VAV3: variants seen among roughly 807,000 people sequenced by gnomAD.
VAV3 encodes guanine nucleotide exchange factor VAV3.
In VAV3, 94 loss-of-function variants were observed where a neutral mutation model predicts 131.2. The observed-to-expected ratio is 0.72, with a 90% CI of 0.61 to 0.85. VAV3 has a LOEUF of 0.85. Ranked by LOEUF, VAV3 falls within the 40% of genes least tolerant of loss-of-function variation. VAV3 has a pLI of 0.00. For synonymous variants in VAV3, 349 were observed against 342.0 expected (o/e 1.02, Z -0.22); for missense variants, 939 against 1,002.7 (o/e 0.94, Z 0.86).
At position 107,772,823 on chromosome 1, in the gene VAV3, T is replaced by A. The variant is rs1214720873; in HGVS notation, c.467A>T (p.Glu156Val). ...ATAAACACAGTCATAGAGATCTTCT[T>A]CATCTTCCACAAGGGTTTCACTACA... ...DLIDETLVED[E>V]EDLYDCVYGE... The change falls in exon 5 of 27, where the codon GAA becomes GTA. Residue 156 changes from glutamate to valine, a missense_variant. Transcript: ENST00000370056. The A allele has an allele frequency of 1.9e-6, 3 of 1,613,646 alleles. No homozygotes were observed. In the Admixed American group the frequency reaches 5.0e-5, roughly 27 times the overall value.
intron 1 of VAV3, among the ~76,000 whole-genome samples, chr1:107,875,912 A>G (rs901003322): frequency 6.6e-6 from 1 of 152,164 alleles, no homozygotes; most frequent in Admixed American, 6.6e-5. Flanking sequence ...TGTGGAGTCC[A>G]GGGGATAGGT....
intron 19 of VAV3, among the ~76,000 whole-genome samples, chr1:107,680,642 G>T (rs141215896): frequency 1.3e-5 from 2 of 152,206 alleles, no homozygotes; most frequent in Non-Finnish European, 2.9e-5. Flanking sequence ...CAAGCTCCTG[G>T]CTTCAAGTGA....
intron 17 of VAV3, among the ~76,000 whole-genome samples, chr1:107,700,610 T>A (rs553649868): frequency 1.3e-5 from 2 of 152,240 alleles, no homozygotes; most frequent in African/African-American, 2.4e-5. Flanking sequence ...GCTCCGTCCA[T>A]GTCCCTGTAA....
intron 14 of VAV3, 26 bp downstream of exon 14, chr1:107,749,436 A>G: frequency 1.3e-6 from 2 of 1,577,100 alleles, no homozygotes; most frequent in Non-Finnish European, 1.7e-6. Context: ...TAAGTAAATT[A>G]CAGTTATTAG....
chr1:107,595,859 T>C (rs548450238), intron 25 of VAV3, among the ~76,000 whole-genome samples: 2 of 152,292 alleles, frequency 1.3e-5, no homozygotes, highest in South Asian at 2.1e-4. Flanking sequence ...CCTGCTTAAA[T>C]ACTATTACTC....
intron 20 of VAV3, among the ~76,000 whole-genome samples, chr1:107,635,175 G>A (rs1284595427): frequency 6.6e-6 from 1 of 152,084 alleles, no homozygotes; most frequent in African/African-American, 2.4e-5. Context: ...GCACATGTAT[G>A]TTTATTGCAT....
chr1:107,928,791 T>C lies in VAV3; in HGVS notation c.204+35875A>G, dbSNP rs561399626. On this transcript the variant is annotated intron_variant, in intron 1 of 26. Transcript: ENST00000370056. ...GCTCGAAAGGGAAACCTAAGAGTTA[T>C]TGGCCTTAAAGAGTAGGTAGAGAAA... 4.1e-4 allele frequency among the ~76,000 whole-genome samples: 62 copies of C among 152,272 alleles called. No homozygotes were observed. The East Asian group carries it at 8.5e-3, about 21-fold the overall frequency.
chr1:107,760,604 T>G (rs2102127280), intron 10 of VAV3, among the ~76,000 whole-genome samples, 180 bp downstream of exon 10: 1 of 152,338 alleles, frequency 6.6e-6, no homozygotes, highest in South Asian at 2.1e-4. Flanking sequence ...TGACCATCTC[T>G]GCTAAAAGGA....
At chr1:107,774,838 G>A (rs192033699) in intron 4 of VAV3, among the ~76,000 whole-genome samples, 4 of 151,750 alleles carry the variant, frequency 2.6e-5, no homozygotes, top group Non-Finnish European at 5.9e-5. Context: ...CATAGAAATT[G>A]TAATAAAGCT....
At chr1:107,802,009 A>G (rs1557856340) in intron 2 of VAV3, among the ~76,000 whole-genome samples, 1 of 152,078 alleles carries the variant, frequency 6.6e-6, no homozygotes, top group African/African-American at 2.4e-5. Flanking sequence ...GTTTTGTTAC[A>G]TAGGTATACA....
At chr1:107,579,136 A>G (rs1008593731) in intron 25 of VAV3, among the ~76,000 whole-genome samples, 4 of 152,218 alleles carry the variant, frequency 2.6e-5, no homozygotes, top group Admixed American at 6.5e-5. Flanking sequence ...CCTATCAAGT[A>G]GCTAGAATTA....
intron 13 of VAV3, 49 bp from the exon 14 acceptor site, chr1:107,749,643 G>A (rs1422450130): frequency 6.4e-7 from 1 of 1,573,556 alleles, no homozygotes; most frequent in Admixed American, 2.0e-5. Flanking sequence ...TAGAAACATG[G>A]GTTATTAATT....
intron 22 of VAV3, among the ~76,000 whole-genome samples, chr1:107,604,754 G>C (rs1652138722): frequency 1.3e-5 from 2 of 152,026 alleles, no homozygotes; most frequent in South Asian, 4.1e-4. Context: ...TTGAGTGTAT[G>C]CATTTTTATC....
intron 1 of VAV3, among the ~76,000 whole-genome samples, chr1:107,926,235 C>T (rs535332808): frequency 1.6e-4 from 25 of 152,040 alleles, no homozygotes; most frequent in Admixed American, 2.0e-4. Context: ...GAGCCAAGAT[C>T]GTGCCACTGC....
At chr1:107,658,814 A>G (rs1294499127) in intron 19 of VAV3, among the ~76,000 whole-genome samples, 1 of 151,952 alleles carries the variant, frequency 6.6e-6, no homozygotes, top group East Asian at 1.9e-4. Flanking sequence ...TTATCTTGTA[A>G]ATTTGTTTGA....
chr1:107,763,810 T>G (rs746563551), intron 9 of VAV3, among the ~76,000 whole-genome samples: 1 of 152,212 alleles, frequency 6.6e-6, no homozygotes, highest in Non-Finnish European at 1.5e-5. Flanking sequence ...TATGAAATCA[T>G]GCCAGAGAGG....
At chr1:107,916,952 G>T (rs1355070545) in intron 1 of VAV3, among the ~76,000 whole-genome samples, 1 of 152,154 alleles carries the variant, frequency 6.6e-6, no homozygotes, top group Non-Finnish European at 1.5e-5. Flanking sequence ...AAGTTGAGGG[G>T]ATGTAAAGTG....
At chr1:107,863,979 A>C (rs1412185216) in intron 2 of VAV3, among the ~76,000 whole-genome samples, 1 of 152,150 alleles carries the variant, frequency 6.6e-6, no homozygotes, top group East Asian at 1.9e-4. Context: ...TTCTCTCTAA[A>C]AGTTTAAAAT....
chr1:107,892,810 G>T (rs1380564768), intron 1 of VAV3, among the ~76,000 whole-genome samples: 2 of 152,162 alleles, frequency 1.3e-5, no homozygotes, highest in Non-Finnish European at 2.9e-5. Flanking sequence ...GTCTGAAGAA[G>T]ACAAAGATAA....
Sources: gnomAD v4.1 joint callset for allele counts (sites outside exome capture counted in the v4.1 genomes callset) on GRCh38, gnomAD v4.1.1 for gene constraint, MANE v1.5 for transcripts, NCBI Gene and HGNC (gene_info 2026-07-23, HGNC 2026-07-21) for gene names.